UBE2K: variants seen among roughly 807,000 people sequenced by gnomAD.
The protein encoded by UBE2K is ubiquitin conjugating enzyme E2 K, also known as ubiquitin-conjugating enzyme E2 K.
A neutral mutation model predicts 30.0 loss-of-function variants in UBE2K; 6 were observed. The observed-to-expected ratio is 0.20, with a 90% CI of 0.11 to 0.39. The LOEUF (loss-of-function observed/expected upper bound fraction) is 0.39. Among genes scored for constraint, UBE2K ranks in the 10% least tolerant of loss-of-function variants. The probability of loss-of-function intolerance (pLI) is 1.00; values close to 1 mark genes in which losing one functional copy is unlikely to be tolerated. For synonymous variants in UBE2K, 86 were observed against 83.7 expected, an observed-to-expected ratio of 1.03 and a Z score of -0.15; for missense variants, 61 against 241.6, an observed-to-expected ratio of 0.25 and a Z score of 4.96.
Position 39,779,708 on chromosome 4 carries a change from G to A in UBE2K, c.*1274G>A, listed in dbSNP as rs1162883683. Reference sequence around the variant, plus strand: ...CACACTAATGTAACCATTTTATGAAGGTTGAAGTGGATTTATGCAGGCAGT... The same window carrying A: ...CACACTAATGTAACCATTTTATGAAAGTTGAAGTGGATTTATGCAGGCAGT... On this transcript the variant is annotated 3_prime_UTR_variant, in exon 7 of 7. Coordinates refer to ENST00000261427, the MANE Select transcript of UBE2K (RefSeq NM_005339.5). 1 of 152,424 alleles carries A rather than the reference G, an allele frequency of 6.6e-6. No homozygotes were observed. Among genetic ancestry groups the A allele is most frequent in the Non-Finnish European group, 1.5e-5 (1 of 68,004 alleles). The allele number at this position is 152,424 out of a possible 1,614,324, so 9.4% of individuals were successfully genotyped here.
At position 39,779,830 on chromosome 4, in the gene UBE2K, A is replaced by T. The variant is rs915787506; in HGVS notation, c.*1396A>T. The T allele has an allele frequency of 6.6e-6, 1 of 152,200 alleles. No homozygotes were observed. The highest frequency in any genetic ancestry group is 2.4e-5 in the African/African-American group (1 of 41,470). The allele number at this position is 152,200 out of a possible 1,614,324, so 9.4% of individuals were successfully genotyped here. ...AGACTGAATTAAAGTAAGGCTGTAT[A>T]TTGAAAGTCATATTATAAAAGGTTT... On this transcript the variant is annotated 3_prime_UTR_variant, in exon 7 of 7. Transcript: ENST00000261427.
chr4:39,718,262 C>T (rs540884618), intron 1 of UBE2K, among the ~76,000 whole-genome samples: 2 of 152,326 alleles, frequency 1.3e-5, no homozygotes, highest in South Asian at 2.1e-4. Context: ...TCTCCATGTT[C>T]TCTAGATTAG....
rs1718816735 is a variant in UBE2K, at chr4:39,713,286, A to ATTTCTTTTTT, written c.63+14899_63+14900insCTTTTTTTTT. ...TAGTTTTCTCCTTCTTCTGTAGGAA[A>ATTTCTTTTTT]TTTTTTTTTTTTTTTTGAGACAGTT... On this transcript the variant is annotated intron_variant, in intron 1 of 6. Coordinates refer to ENST00000261427, the MANE Select transcript of UBE2K (RefSeq NM_005339.5). Among the ~76,000 whole-genome samples the ATTTCTTTTTT allele has an allele frequency of 3.6e-5, 3 of 83,582 alleles. No individual in the cohort carries two copies. In the South Asian group the frequency reaches 1.3e-3, roughly 36 times the overall value. The allele number at this position is 83,582 out of a possible 152,430, so 54.8% of individuals were successfully genotyped here.
chr4:39,716,577 C>T (rs182596034), intron 1 of UBE2K, among the ~76,000 whole-genome samples: 393 of 152,288 alleles, frequency 2.6e-3, no homozygotes, highest in African/African-American at 9.2e-3. Context: ...TAAACGTTTC[C>T]TGGCAACTTG....
At chr4:39,734,090 T>A (rs1159504049) in intron 1 of UBE2K, among the ~76,000 whole-genome samples, 1 of 148,380 alleles carries the variant, frequency 6.7e-6, no homozygotes, top group Non-Finnish European at 1.5e-5. Flanking sequence ...AAGACCCTAT[T>A]CTAAGCCCTC....
At position 39,757,026 on chromosome 4, in the gene UBE2K, TTTTTTG is replaced by T; in HGVS notation, c.299+1293_299+1298del. On this transcript the variant is annotated intron_variant, in intron 4 of 6. Transcript: ENST00000261427. ...TTTTTTTTTTGTTTTTTGTTTTTTG[TTTTTTG>T]TTTTTTTTTTGAGACAGAGTTTCAC... Among the ~76,000 whole-genome samples, 10 of 59,040 alleles carry T rather than the reference TTTTTTG, an allele frequency of 1.7e-4. 1 individual carries two copies. The highest frequency in any genetic ancestry group is 4.2e-4 in the African/African-American group (6 of 14,242). 38.7% of individuals were successfully genotyped at this position (59,040 alleles called of 152,430 possible). A position where few individuals can be genotyped will look rare whatever the true frequency, so the allele number is the denominator to read the frequency against.
At chr4:39,750,170 G>C (rs977918309) in intron 3 of UBE2K, among the ~76,000 whole-genome samples, 5 of 152,218 alleles carry the variant, frequency 3.3e-5, no homozygotes, top group Middle Eastern at 3.4e-3. Flanking sequence ...CTCCAGCCTG[G>C]ACGACAGAGT....
At chr4:39,721,799 A>G (rs1719432600) in intron 1 of UBE2K, among the ~76,000 whole-genome samples, 1 of 152,176 alleles carries the variant, frequency 6.6e-6, no homozygotes, top group Admixed American at 6.6e-5. Context: ...TAAAAATAAT[A>G]TTCTTTTGGT....
intron 4 of UBE2K, among the ~76,000 whole-genome samples, chr4:39,757,004 T>C (rs1434396990): frequency 7.3e-6 from 1 of 137,830 alleles, no homozygotes; most frequent in Non-Finnish European, 1.6e-5. Context: ...TTGGGTGTTT[T>C]TTTTTTGTTT....
At chr4:39,734,810 TTAAACAAA>T (rs1227833939) in intron 1 of UBE2K, among the ~76,000 whole-genome samples, 1 of 152,104 alleles carries the variant, frequency 6.6e-6, no homozygotes, top group Admixed American at 6.6e-5. Context: ...AGACCGTGTC[TTAAACAAA>T]TAATAATAAT....
At chr4:39,769,073 C>T (rs1712551526) in intron 4 of UBE2K, among the ~76,000 whole-genome samples, 1 of 152,104 alleles carries the variant, frequency 6.6e-6, no homozygotes, top group Non-Finnish European at 1.5e-5. Flanking sequence ...TTCAGGTGAT[C>T]TGCCCACCTC....
intron 1 of UBE2K, among the ~76,000 whole-genome samples, chr4:39,732,213 C>T (rs984530706): frequency 6.6e-6 from 1 of 152,124 alleles, no homozygotes; most frequent in African/African-American, 2.4e-5. Context: ...ACTATCTTAT[C>T]CTTAGTTGAC....
At chr4:39,737,384 G>T (rs746598888) in intron 1 of UBE2K, 36 bp from the exon 2 acceptor site, 6 of 1,373,130 alleles carry the variant, frequency 4.4e-6, no homozygotes. Flanking sequence ...TTTTCTTGCT[G>T]ACATAACTAA....
At chr4:39,777,935 C>A in intron 6 of UBE2K, 125 bp downstream of exon 6, 1 of 881,318 alleles carries the variant, frequency 1.1e-6, no homozygotes, top group Non-Finnish European at 1.6e-6. Flanking sequence ...TGGCGAAACC[C>A]ATCTCTACAA....
chr4:39,763,597 TG>T (rs1383452999), intron 4 of UBE2K, among the ~76,000 whole-genome samples: 1 of 152,070 alleles, frequency 6.6e-6, no homozygotes, highest in Non-Finnish European at 1.5e-5. Context: ...TCATCACCAA[TG>T]GGGTGGCACT....
At chr4:39,728,441 C>A (rs1316527328) in intron 1 of UBE2K, among the ~76,000 whole-genome samples, 1 of 152,142 alleles carries the variant, frequency 6.6e-6, no homozygotes, top group Non-Finnish European at 1.5e-5. Context: ...TACCACTGTA[C>A]CTCCTGTCTG....
Position 39,781,846 on chromosome 4 carries a change from C to T in UBE2K, c.*3412C>T, listed in dbSNP as rs1003847068. The T allele has an allele frequency of 3.8e-5, 15 of 397,762 alleles. No homozygotes were observed. Among genetic ancestry groups the T allele is most frequent in the Non-Finnish European group, 6.2e-5 (14 of 225,532 alleles). The allele number at this position is 397,762 out of a possible 1,614,324, so 24.6% of individuals were successfully genotyped here. ...GTACAAACCATTGATTTAAAAATTA[C>T]GTTTCCATTCTTTTTAGTATCAGTT... On this transcript the variant is annotated 3_prime_UTR_variant, in exon 7 of 7. Coordinates refer to ENST00000261427, the MANE Select transcript of UBE2K (RefSeq NM_005339.5).
At chr4:39,698,490 C>G in intron 1 of UBE2K, 100 bp downstream of exon 1, 3 of 1,099,476 alleles carry the variant, frequency 2.7e-6, no homozygotes, top group Non-Finnish European at 4.1e-6. Context: ...GGTGGTCCTC[C>G]TTGCGGCCGC....
At chr4:39,773,072 AAGATATTTTCCTTATAAATACAT>A (rs1713017813) in intron 4 of UBE2K, among the ~76,000 whole-genome samples, 1 of 152,342 alleles carries the variant, frequency 6.6e-6, no homozygotes, top group South Asian at 2.1e-4. Context: ...TAGCTTTATA[AAGATATTTTCCTTATAAATACAT>A]TTAGAATCAT....
Sources: allele counts gnomAD v4.1 joint callset (sites outside exome capture counted in the v4.1 genomes callset), GRCh38; gene constraint gnomAD v4.1.1; transcripts MANE v1.5; gene names NCBI Gene and HGNC (gene_info 2026-07-23, HGNC 2026-07-21).